AGBL1: variants seen among roughly 807,000 people sequenced by gnomAD.
AGBL1 encodes the protein cytosolic carboxypeptidase 4.
A neutral mutation model predicts 118.9 loss-of-function variants in AGBL1; 130 were observed. The observed-to-expected ratio is 1.09, with a 90% CI of 0.95 to 1.26. The LOEUF (loss-of-function observed/expected upper bound fraction) is 1.26, where lower values mean the gene tolerates loss of function less well. Among genes scored for constraint, AGBL1 ranks in the 50% most tolerant of loss-of-function variants. The pLI, the probability that AGBL1 is intolerant of heterozygous loss-of-function variation, is 0.00. For synonymous variants in AGBL1, 555 were observed against 478.9 expected, an observed-to-expected ratio of 1.16 and a Z score of -2.08; for missense variants, 1,584 against 1,298.1, an observed-to-expected ratio of 1.22 and a Z score of -3.38.
intron 22 of AGBL1, among the ~76,000 whole-genome samples, chr15:86,748,658 T>G (rs2077796888): frequency 6.6e-6 from 1 of 151,700 alleles, no homozygotes; most frequent in Non-Finnish European, 1.5e-5. Flanking sequence ...AACATTTAAG[T>G]CTTTAATCCA....
intron 22 of AGBL1, among the ~76,000 whole-genome samples, chr15:86,790,145 C>T (rs2078470804): frequency 6.6e-6 from 1 of 152,066 alleles, no homozygotes; most frequent in South Asian, 2.1e-4. Context: ...CACTTGGCAA[C>T]CATTTTCTAA....
chr15:86,173,815 T>A (rs2077446534), intron 5 of AGBL1, among the ~76,000 whole-genome samples: 1 of 152,202 alleles, frequency 6.6e-6, no homozygotes, highest in African/African-American at 2.4e-5. Context: ...TCTGTTTCTA[T>A]GATAGTACCA....
chr15:87,016,848 T>G (rs185101088), intron 24 of AGBL1, among the ~76,000 whole-genome samples: 219 of 152,212 alleles, frequency 1.4e-3, no homozygotes, highest in African/African-American at 5.0e-3. Context: ...AGGGATCCCC[T>G]TCTAAGCCCA....
At chr15:86,530,118 T>C (rs2083328314) in intron 19 of AGBL1, among the ~76,000 whole-genome samples, 1 of 138,450 alleles carries the variant, frequency 7.2e-6, no homozygotes, top group Non-Finnish European at 1.5e-5. Context: ...ATATCAACTT[T>C]AAATGTAAAT....
chr15:86,090,488 C>T (rs1895949301), intron 1 of AGBL1, among the ~76,000 whole-genome samples: 1 of 152,124 alleles, frequency 6.6e-6, no homozygotes, highest in African/African-American at 2.4e-5. Context: ...ATCATTTTTA[C>T]ACACTGCTAT....
intron 22 of AGBL1, among the ~76,000 whole-genome samples, chr15:86,823,931 C>T (rs1164547340): frequency 6.6e-6 from 1 of 151,934 alleles, no homozygotes; most frequent in Non-Finnish European, 1.5e-5. Flanking sequence ...ATTACCTCAA[C>T]AATAAAAGGC....
intron 24 of AGBL1, among the ~76,000 whole-genome samples, chr15:87,004,365 C>G (rs1047819172): frequency 3.9e-5 from 6 of 152,082 alleles, no homozygotes; most frequent in Non-Finnish European, 7.4e-5. Context: ...TATGAATCTG[C>G]GTTCTCCTGT....
At chr15:86,640,347 C>T (rs1262189438) in intron 21 of AGBL1, among the ~76,000 whole-genome samples, 1 of 151,998 alleles carries the variant, frequency 6.6e-6, no homozygotes, top group Non-Finnish European at 1.5e-5. Flanking sequence ...ATTGGAAGAG[C>T]AATCAGATAT....
At chr15:86,288,609 T>G (rs901194752) in intron 16 of AGBL1, among the ~76,000 whole-genome samples, 3 of 152,148 alleles carry the variant, frequency 2.0e-5, no homozygotes, top group Non-Finnish European at 4.4e-5. Flanking sequence ...GGGGGAATAA[T>G]CTAATGAGTT....
chr15:86,321,891 T>G (rs1479048214), intron 17 of AGBL1, among the ~76,000 whole-genome samples: 1 of 152,174 alleles, frequency 6.6e-6, no homozygotes, highest in South Asian at 2.1e-4. Flanking sequence ...ATTGTTACTT[T>G]TTTTAACCCA....
chr15:86,733,930 CCTT>C lies in AGBL1; in HGVS notation c.3158+59497_3158+59499del, dbSNP rs1214594104. Among the ~76,000 whole-genome samples, 4 of 152,258 alleles carry C rather than the reference CCTT, an allele frequency of 2.6e-5. No individual in the cohort carries two copies. The South Asian group carries it at 6.2e-4, about 24-fold the overall frequency. ...CTTACTGCTGATGAGACTACACAGT[CCTT>C]CTCACCATTCTGTAAGTAAACTCCT... On this transcript the variant is annotated intron_variant, in intron 22 of 22. Transcript: ENST00000614907.
At chr15:86,380,470 C>G (rs1311475502) in intron 17 of AGBL1, among the ~76,000 whole-genome samples, 1 of 148,690 alleles carries the variant, frequency 6.7e-6, no homozygotes, top group Non-Finnish European at 1.5e-5. Context: ...CTTTTTTCCT[C>G]CCTCCCTCCC....
Position 86,266,988 on chromosome 15 carries a change from A to G in AGBL1, c.1752-2A>G. On this transcript the variant is annotated splice_acceptor_variant, in intron 12 of 22. Coordinates refer to ENST00000614907, the MANE Select transcript of AGBL1 (RefSeq NM_001386094.1). LOFTEE classifies it high-confidence loss of function. ...GTTCACATGTTCCTTATTTCATTGT[A>G]GGCCTTTGCAAGACAATGCTTCCAA... 1 of 1,564,368 alleles carries G rather than the reference A, an allele frequency of 6.4e-7. No individual in the cohort carries two copies. Among genetic ancestry groups the G allele is most frequent in the South Asian group, 1.2e-5 (1 of 84,932 alleles).
chr15:86,886,204 A>C (rs538799763), intron 22 of AGBL1, among the ~76,000 whole-genome samples: 28 of 152,352 alleles, frequency 1.8e-4, no homozygotes, highest in African/African-American at 5.8e-4. Flanking sequence ...CAGACAGTAA[A>C]ATAGCATACA....
chr15:86,265,799 A>T (rs547492712), intron 11 of AGBL1, among the ~76,000 whole-genome samples: 2 of 152,284 alleles, frequency 1.3e-5, no homozygotes, highest in South Asian at 2.1e-4. Context: ...CTCCCTTATG[A>T]ACTGGATTGG....
At chr15:86,385,948 TCTCCCC>T (rs1209816273) in intron 17 of AGBL1, among the ~76,000 whole-genome samples, 1 of 27,050 alleles carries the variant, frequency 3.7e-5, no homozygotes, top group Admixed American at 5.1e-4. Context: ...CCTCCTCTCC[TCTCCCC>T]CTCCCCCATC....
chr15:86,753,391 C>CTTTTCT (rs2077883657), intron 22 of AGBL1, among the ~76,000 whole-genome samples: 1 of 117,316 alleles, frequency 8.5e-6, no homozygotes, highest in Non-Finnish European at 1.7e-5. Context: ...CTTTCTTTTT[C>CTTTTCT]TTTTTCTTTT....
chr15:86,210,600 T>C (rs2078075916), intron 5 of AGBL1, among the ~76,000 whole-genome samples: 1 of 152,216 alleles, frequency 6.6e-6, no homozygotes, highest in Non-Finnish European at 1.5e-5. Flanking sequence ...TTCCACTTGA[T>C]CTAATCAGCT....
rs1793818833 is a variant in AGBL1, at chr15:86,913,432, T to C, written c.*6138T>C. On this transcript the variant is annotated 3_prime_UTR_variant, in exon 23 of 23. Coordinates refer to ENST00000614907, the MANE Select transcript of AGBL1 (RefSeq NM_001386094.1). ...AAACTGTACTTGAAGTGTGTATATA[T>C]TCTGGGCCAGTTCCAATGCAAAGTA... 6.6e-6 allele frequency: 1 copy of C among 152,252 alleles called. No homozygotes were observed. Among genetic ancestry groups the C allele is most frequent in the Non-Finnish European group, 1.5e-5 (1 of 68,070 alleles). 9.4% of individuals were successfully genotyped at this position (152,252 alleles called of 1,614,324 possible).
Sources: allele counts gnomAD v4.1 joint callset (sites outside exome capture counted in the v4.1 genomes callset), GRCh38; gene constraint gnomAD v4.1.1; transcripts MANE v1.5; gene names NCBI Gene and HGNC (gene_info 2026-07-23, HGNC 2026-07-21).